The following MPP7 variants were observed in gnomAD, a reference collection of about 807,000 sequenced individuals.
The protein encoded by MPP7 is MAGUK p55 scaffold protein 7, also known as MAGUK p55 subfamily member 7.
MPP7 carries 60 observed loss-of-function variants against 76.5 expected under a neutral mutation model. The observed-to-expected ratio is 0.78, with a 90% CI of 0.64 to 0.97. The LOEUF is 0.97. Ranked by LOEUF, MPP7 falls within the 50% of genes least tolerant of loss-of-function variation. MPP7 has a pLI of 0.00. For synonymous variants in MPP7, 237 were observed against 244.5 expected (o/e 0.97, Z 0.29); for missense variants, 641 against 694.0 (o/e 0.92, Z 0.86).
chr10:28,064,642 T>C lies in MPP7; in HGVS notation c.1205-4899A>G, dbSNP rs952574135. Among the ~76,000 whole-genome samples the C allele has an allele frequency of 3.9e-5, 6 of 152,242 alleles. 1 individual carries two copies. The highest frequency in any genetic ancestry group is 8.8e-5 in the Non-Finnish European group (6 of 68,034). On this transcript the variant is annotated intron_variant, in intron 13 of 16. Transcript: ENST00000683449. ...AAGAATCTGAGAAGTACGGAAAATG[T>C]AACTTAATAGAAAAAGTAATGAATT...
At chr10:28,256,809 T>A (rs1225315227) in intron 1 of MPP7, among the ~76,000 whole-genome samples, 1 of 152,230 alleles carries the variant, frequency 6.6e-6, no homozygotes, top group Non-Finnish European at 1.5e-5. Context: ...CATCCATTTA[T>A]ATGAGAATCT....
At chr10:28,059,771 A>G in intron 13 of MPP7, 28 bp from the exon 14 acceptor site, 1 of 1,481,574 alleles carries the variant, frequency 6.7e-7, no homozygotes, top group East Asian at 2.3e-5. Context: ...GGAGTTTAGA[A>G]AAGCCCACAT....
chr10:28,291,985 A>C (rs1241589889), intron 1 of MPP7, among the ~76,000 whole-genome samples: 2 of 152,214 alleles, frequency 1.3e-5, no homozygotes, highest in Non-Finnish European at 2.9e-5. Flanking sequence ...ACTCACCCAG[A>C]GCAACTTCCA....
intron 1 of MPP7, among the ~76,000 whole-genome samples, chr10:28,268,347 C>A (rs1292896301): frequency 6.6e-6 from 1 of 152,204 alleles, no homozygotes; most frequent in Non-Finnish European, 1.5e-5. Context: ...AAAGAAGGAA[C>A]TGTAGGCAAA....
intron 11 of MPP7, among the ~76,000 whole-genome samples, chr10:28,108,848 A>G (rs1834407556): frequency 6.6e-6 from 1 of 152,142 alleles, no homozygotes; most frequent in Non-Finnish European, 1.5e-5. Flanking sequence ...ATTTTCGTGT[A>G]TAACAACCCT....
intron 2 of MPP7, among the ~76,000 whole-genome samples, chr10:28,324,039 C>A (rs1426849640): frequency 6.6e-6 from 1 of 152,102 alleles, no homozygotes; most frequent in Non-Finnish European, 1.5e-5. Context: ...ATTATGAGGA[C>A]TAAAATGAGA....
At chr10:28,187,498 T>C (rs145425955) in intron 3 of MPP7, among the ~76,000 whole-genome samples, 2 of 152,326 alleles carry the variant, frequency 1.3e-5, no homozygotes, top group African/African-American at 2.4e-5. Flanking sequence ...CAGGTGGCCA[T>C]GGATCATTCG....
intron 5 of MPP7, among the ~76,000 whole-genome samples, chr10:28,138,986 G>GTTAC (rs1649687626): frequency 6.6e-6 from 1 of 152,198 alleles, no homozygotes; most frequent in Admixed American, 6.5e-5. Context: ...GACTGCCACT[G>GTTAC]TTACTGCCTG....
chr10:28,175,285 G>A (rs1406712952), intron 3 of MPP7, among the ~76,000 whole-genome samples: 5 of 149,932 alleles, frequency 3.3e-5, no homozygotes, highest in Middle Eastern at 3.4e-3. Flanking sequence ...GTGAGATGTC[G>A]TCTCAAAAAA....
chr10:28,282,651 A>G (rs1459605584), intron 1 of MPP7, among the ~76,000 whole-genome samples: 1 of 151,990 alleles, frequency 6.6e-6, no homozygotes, highest in Non-Finnish European at 1.5e-5. Flanking sequence ...AAAGGACAGG[A>G]GCGTAAAGAA....
intron 1 of MPP7, among the ~76,000 whole-genome samples, chr10:28,283,647 T>C (rs1266483201): frequency 6.6e-6 from 1 of 151,988 alleles, no homozygotes; most frequent in Non-Finnish European, 1.5e-5. Flanking sequence ...CCCAAGTAGC[T>C]GGGATTACAG....
At chr10:28,073,258 A>G (rs1032335348) in intron 12 of MPP7, among the ~76,000 whole-genome samples, 2 of 151,932 alleles carry the variant, frequency 1.3e-5, no homozygotes, top group Non-Finnish European at 2.9e-5. Flanking sequence ...GATCTATCAG[A>G]TCTATGCTTC....
chr10:28,262,262 T>C (rs376247043), intron 1 of MPP7, among the ~76,000 whole-genome samples: 1 of 20,864 alleles, frequency 4.8e-5, no homozygotes, highest in African/African-American at 2.0e-4. Context: ...TATATATGTA[T>C]ATATATATAT....
At chr10:28,312,257 G>A (rs189424295) in intron 2 of MPP7, among the ~76,000 whole-genome samples, 3 of 152,122 alleles carry the variant, frequency 2.0e-5, no homozygotes, top group East Asian at 3.9e-4. Flanking sequence ...TCCTCCCCAC[G>A]ATTGGCTACT....
At chr10:28,291,656 C>T (rs1001421044) in intron 1 of MPP7, among the ~76,000 whole-genome samples, 4 of 152,020 alleles carry the variant, frequency 2.6e-5, no homozygotes, top group African/African-American at 9.7e-5. Flanking sequence ...ATGATCCTGA[C>T]CCTGTGTAGG....
chr10:28,228,760 C>T (rs756600037), intron 2 of MPP7, among the ~76,000 whole-genome samples: 3 of 148,956 alleles, frequency 2.0e-5, no homozygotes, highest in Non-Finnish European at 3.0e-5. Context: ...GACTCCATCT[C>T]AAAAAAAACA....
At position 28,158,067 on chromosome 10, in the gene MPP7, A is replaced by G. The variant is rs150558924; in HGVS notation, c.157-8008T>C. ...GTTAAAACGTTATTATTAGTTAGTG[A>G]TAAGTGGACATATAAATCCTCTAAT... On this transcript the variant is annotated intron_variant, in intron 3 of 16. Transcript: ENST00000683449. Among the ~76,000 whole-genome samples the G allele has an allele frequency of 1.6e-3, 248 of 152,326 alleles. 1 individual carries two copies. The highest frequency in any genetic ancestry group is 5.4e-3 in the African/African-American group (224 of 41,584).
chr10:28,271,862 C>T (rs770541755), intron 1 of MPP7, among the ~76,000 whole-genome samples: 1 of 152,084 alleles, frequency 6.6e-6, no homozygotes, highest in Non-Finnish European at 1.5e-5. Flanking sequence ...GGAGTCTCAG[C>T]TACTCGGGAG....
intron 3 of MPP7, among the ~76,000 whole-genome samples, chr10:28,172,874 A>C (rs374464953): frequency 2.2e-3 from 337 of 152,308 alleles, no homozygotes; most frequent in African/African-American, 7.8e-3. Flanking sequence ...AAAGAATATG[A>C]TATTTTCTCA....
Sources: gnomAD v4.1 joint callset for allele counts (sites outside exome capture counted in the v4.1 genomes callset) on GRCh38, gnomAD v4.1.1 for gene constraint, MANE v1.5 for transcripts, NCBI Gene and HGNC (gene_info 2026-07-23, HGNC 2026-07-21) for gene names.